The following TMEM140 variants were observed in gnomAD, a reference collection of about 807,000 sequenced individuals.
TMEM140 encodes transmembrane protein 140.
For synonymous variants in TMEM140, 107 were observed against 106.8 expected, an observed-to-expected ratio of 1.00 and a Z score of -0.01; for missense variants, 236 against 228.5, an observed-to-expected ratio of 1.03 and a Z score of -0.21.
At chr7:135,162,915 T>C (rs1829983173) in intron 1 of TMEM140, among the ~76,000 whole-genome samples, 1 of 152,218 alleles carries the variant, frequency 6.6e-6, no homozygotes, top group African/African-American at 2.4e-5. Flanking sequence ...GTGGGCACTT[T>C]TATATACAAT....
chr7:135,156,736 T>C (rs2117444583), intron 1 of TMEM140, among the ~76,000 whole-genome samples: 1 of 152,350 alleles, frequency 6.6e-6, no homozygotes, highest in South Asian at 2.1e-4. Context: ...TGGGATCTGC[T>C]GCTGCTGGAC....
chr7:135,158,042 G>A (rs1334264256), intron 1 of TMEM140, among the ~76,000 whole-genome samples: 1 of 152,054 alleles, frequency 6.6e-6, no homozygotes, highest in Non-Finnish European at 1.5e-5. Flanking sequence ...GTATGTGCGG[G>A]AGAGCATAGA....
rs529916028 is a variant in TMEM140, at chr7:135,161,434, G to C, written c.-24-2984G>C. Reference sequence around the variant, plus strand: ...CCCAAGTCCCTTCCCAGTTGGTCCTGAACAATGGAGGAGGTCAAACCTTCT... The same window carrying C: ...CCCAAGTCCCTTCCCAGTTGGTCCTCAACAATGGAGGAGGTCAAACCTTCT... On this transcript the variant is annotated intron_variant, in intron 1 of 1. Coordinates refer to ENST00000275767, the MANE Select transcript of TMEM140 (RefSeq NM_018295.5). This position sits in a 1 kb window ranked among gnomAD's most constrained non-coding sequence, Gnocchi z 4.1. 3.3e-5 allele frequency among the ~76,000 whole-genome samples: 5 copies of C among 152,156 alleles called. No individual in the cohort carries two copies. The highest frequency in any genetic ancestry group is 5.9e-5 in the Non-Finnish European group (4 of 68,024).
At chr7:135,155,057 G>C (rs938615955) in intron 1 of TMEM140, among the ~76,000 whole-genome samples, 4 of 152,106 alleles carry the variant, frequency 2.6e-5, no homozygotes, top group African/African-American at 9.7e-5. Context: ...ATATCGTCTT[G>C]CTGAATTTAT....
At chr7:135,148,988 C>T (rs1398146722) in intron 1 of TMEM140, among the ~76,000 whole-genome samples, 1 of 152,070 alleles carries the variant, frequency 6.6e-6, no homozygotes, top group Non-Finnish European at 1.5e-5. Flanking sequence ...CACATATTTC[C>T]TTCTTCCCTC....
At chr7:135,149,447 G>C (rs1011376854) in intron 1 of TMEM140, among the ~76,000 whole-genome samples, 2 of 152,132 alleles carry the variant, frequency 1.3e-5, no homozygotes, top group African/African-American at 4.8e-5. Flanking sequence ...GGACTTTCAA[G>C]CTGCTTCCCA....
chr7:135,165,125 GGGGC>G lies in TMEM140; in HGVS notation c.*127_*130del. The G allele has an allele frequency of 8.0e-7, 1 of 1,248,864 alleles. No homozygotes were observed. Among genetic ancestry groups the G allele is most frequent in the Non-Finnish European group, 1.1e-6 (1 of 918,310 alleles). 77.4% of individuals were successfully genotyped at this position (1,248,864 alleles called of 1,614,324 possible). ...CGATGGAACCCACTACAGAGGAGGTGGGGCCCCTGTGTCAAAGAGGCCGAGGGGC... is the reference window on the plus strand; with the variant it reads ...CGATGGAACCCACTACAGAGGAGGTGCCCTGTGTCAAAGAGGCCGAGGGGC... On this transcript the variant is annotated 3_prime_UTR_variant, in exon 2 of 2. Transcript: ENST00000275767.
intron 1 of TMEM140, among the ~76,000 whole-genome samples, chr7:135,153,325 G>A (rs1419354734): frequency 5.9e-5 from 9 of 151,972 alleles, no homozygotes; most frequent in East Asian, 1.9e-4. Context: ...ATGGTGTCAC[G>A]CACCTGTAGT....
chr7:135,149,456 C>A (rs752922634), intron 1 of TMEM140, among the ~76,000 whole-genome samples: 1 of 152,194 alleles, frequency 6.6e-6, no homozygotes, highest in Non-Finnish European at 1.5e-5. Context: ...AGCTGCTTCC[C>A]ATTTTGTGCC....
At chr7:135,156,633 A>G (rs1829800793) in intron 1 of TMEM140, among the ~76,000 whole-genome samples, 1 of 152,028 alleles carries the variant, frequency 6.6e-6, no homozygotes, top group East Asian at 1.9e-4. Context: ...ATTTCTTTGT[A>G]TTAGTTTTCA....
intron 1 of TMEM140, among the ~76,000 whole-genome samples, chr7:135,162,306 C>T (rs1829963231): frequency 6.6e-6 from 1 of 152,228 alleles, no homozygotes; most frequent in African/African-American, 2.4e-5. Flanking sequence ...TGAACACCAC[C>T]TGGGACTCCC....
chr7:135,164,350 C>G (rs755305107), intron 1 of TMEM140, 68 bp from the exon 2 acceptor site: 1 of 1,287,670 alleles, frequency 7.8e-7, no homozygotes, highest in Non-Finnish European at 1.1e-6. Context: ...AAAGGGAGAA[C>G]ATGAGCTTGT....
chr7:135,159,090 A>G (rs1207356293), intron 1 of TMEM140, among the ~76,000 whole-genome samples: 1 of 152,160 alleles, frequency 6.6e-6, no homozygotes, highest in Non-Finnish European at 1.5e-5. Context: ...CCACATCAGG[A>G]GCCTCTCCCG....
chr7:135,159,427 A>G (rs1394949032), intron 1 of TMEM140, among the ~76,000 whole-genome samples: 1 of 152,254 alleles, frequency 6.6e-6, no homozygotes, highest in Non-Finnish European at 1.5e-5. Context: ...GCTTAAACCA[A>G]CAAAAAAGCT....
At chr7:135,158,166 C>T (rs1167817724) in intron 1 of TMEM140, among the ~76,000 whole-genome samples, 2 of 151,562 alleles carry the variant, frequency 1.3e-5, no homozygotes, top group African/African-American at 4.8e-5. Context: ...GGGCCTGTGA[C>T]CAGGAGGGCA....
In TMEM140 at chr7:135,164,730, G is replaced by T. The variant is rs1277452876; in HGVS notation, c.289G>T (p.Ala97Ser). The T allele has an allele frequency of 6.2e-6, 10 of 1,614,050 alleles. No individual in the cohort carries two copies. The highest frequency in any genetic ancestry group is 8.5e-6 in the Non-Finnish European group (10 of 1,180,026). The change falls in exon 2 of 2, where the codon GCC becomes TCC. Residue 97 changes from alanine (A) to serine (S), a missense_variant. Transcript: ENST00000275767. ...VYGSLVLTLF[A>S]PQPLLLAQCN... Reference sequence around the variant, plus strand: ...CGGGTCCCTGGTCCTCACCCTCTTTGCCCCCCAGCCTCTCCTCCTAGCCCA... The same window carrying T: ...CGGGTCCCTGGTCCTCACCCTCTTTTCCCCCCAGCCTCTCCTCCTAGCCCA...
At chr7:135,163,796 A>G (rs144850132) in intron 1 of TMEM140, among the ~76,000 whole-genome samples, 260 of 152,380 alleles carry the variant, frequency 1.7e-3, no homozygotes, top group African/African-American at 6.1e-3. Context: ...ATGAGTTCCC[A>G]GAGCACTGCA....
intron 1 of TMEM140, among the ~76,000 whole-genome samples, chr7:135,159,636 C>T (rs547491071): frequency 1.3e-5 from 2 of 152,320 alleles, no homozygotes; most frequent in Admixed American, 6.5e-5. Flanking sequence ...AAGCATTATA[C>T]TTTACTGTCA....
At chr7:135,159,617 A>C (rs931584656) in intron 1 of TMEM140, among the ~76,000 whole-genome samples, 1 of 152,246 alleles carries the variant, frequency 6.6e-6, no homozygotes, top group Admixed American at 6.5e-5. Flanking sequence ...CAGAGGACCT[A>C]GTGCAGCAAA....
Sources: gnomAD v4.1 joint callset for allele counts (sites outside exome capture counted in the v4.1 genomes callset) on GRCh38, gnomAD v4.1.1 for gene constraint, Gnocchi (gnomAD v3.1) non-coding constraint, MANE v1.5 for transcripts, NCBI Gene and HGNC (gene_info 2026-07-23, HGNC 2026-07-21) for gene names.